Variants in BMPR1A observed in about 807,000 individuals in gnomAD.
The protein encoded by BMPR1A is bone morphogenetic protein receptor type-1A.
A neutral mutation model predicts 66.0 loss-of-function variants in BMPR1A; 7 were observed. The ratio of observed to expected loss-of-function variants is 0.11; its 90% CI spans 0.06 to 0.20. BMPR1A has a LOEUF of 0.20. Among genes scored for constraint, BMPR1A ranks in the 10% least tolerant of loss-of-function variants. The pLI, the probability that BMPR1A is intolerant of heterozygous loss-of-function variation, is 1.00. For synonymous variants in BMPR1A, 200 were observed against 229.7 expected (o/e 0.87, Z 1.17); for missense variants, 408 against 669.1 (o/e 0.61, Z 4.31).
Position 86,817,401 on chromosome 10 carries a change from G to T in BMPR1A, c.-267-21464G>T, listed in dbSNP as rs1324479137. Among the ~76,000 whole-genome samples, 3 of 152,144 alleles carry T rather than the reference G, an allele frequency of 2.0e-5. No homozygotes were observed. In the East Asian group the frequency reaches 5.8e-4, roughly 29 times the overall value. ...TTAGCATAATGTCTTCAAGGTTTATGTTGTGGCATGTCTCAGAATTTCCCT... is the reference window on the plus strand; with the variant it reads ...TTAGCATAATGTCTTCAAGGTTTATTTTGTGGCATGTCTCAGAATTTCCCT... On this transcript the variant is annotated intron_variant, in intron 1 of 12. Transcript: ENST00000372037.
At chr10:86,879,025 A>AT (rs368059669) in intron 3 of BMPR1A, among the ~76,000 whole-genome samples, 2 of 152,080 alleles carry the variant, frequency 1.3e-5, no homozygotes, top group Non-Finnish European at 2.9e-5. Flanking sequence ...GGTGATTTTT[A>AT]TTTTTTTAAA....
At chr10:86,823,890 C>T (rs147197632) in intron 1 of BMPR1A, among the ~76,000 whole-genome samples, 1 of 152,268 alleles carries the variant, frequency 6.6e-6, no homozygotes, top group Non-Finnish European at 1.5e-5. Context: ...AAGCAGTAAA[C>T]GTTAGTGCTC....
intron 2 of BMPR1A, among the ~76,000 whole-genome samples, chr10:86,868,780 T>G (rs371762626): frequency 6.3e-5 from 9 of 143,466 alleles, no homozygotes; most frequent in South Asian, 2.1e-4. Context: ...TTTCCTGTGT[T>G]TTTTTTTTTT....
rs1309821617 is a variant in BMPR1A, at chr10:86,869,260, C to G, written c.-152-6607C>G. ...TCGCCTGAGGTCCAGGAGTTCAAGA[C>G]CAGCCTGGCCAACATGGTGAAACCC... On this transcript the variant is annotated intron_variant, in intron 2 of 12. Transcript: ENST00000372037. Among the ~76,000 whole-genome samples, 3 of 152,130 alleles carry G rather than the reference C, an allele frequency of 2.0e-5. No individual in the cohort carries two copies. In the East Asian group the frequency reaches 5.8e-4, roughly 29 times the overall value.
chr10:86,856,011 C>T (rs1842635296), intron 2 of BMPR1A: 6 of 624,480 alleles, frequency 9.6e-6, no homozygotes, highest in Middle Eastern at 2.9e-4. Context: ...ATCTGGATGC[C>T]TCTCACCGTA....
At chr10:86,899,577 A>G (rs1016590258) in intron 5 of BMPR1A, among the ~76,000 whole-genome samples, 1 of 152,334 alleles carries the variant, frequency 6.6e-6, no homozygotes. Flanking sequence ...TCTAGTGTCT[A>G]ACACACCATC....
chr10:86,828,672 GA>G (rs1172711997), intron 1 of BMPR1A, among the ~76,000 whole-genome samples: 2 of 152,068 alleles, frequency 1.3e-5, no homozygotes, highest in Non-Finnish European at 2.9e-5. Context: ...ATTAACAGTA[GA>G]AATTTAACTG....
intron 1 of BMPR1A, among the ~76,000 whole-genome samples, chr10:86,784,420 T>G (rs975831494): frequency 3.9e-5 from 6 of 152,226 alleles, no homozygotes; most frequent in Non-Finnish European, 7.3e-5. Context: ...TTTTGTGTGT[T>G]GAGCCATCCT....
chr10:86,781,868 T>C (rs1841442309), intron 1 of BMPR1A, among the ~76,000 whole-genome samples: 1 of 141,312 alleles, frequency 7.1e-6, no homozygotes, highest in African/African-American at 2.6e-5. Flanking sequence ...TTTTTTTTTT[T>C]TTTTTTTTTT....
At chr10:86,910,320 A>G (rs916790623) in intron 7 of BMPR1A, among the ~76,000 whole-genome samples, 1 of 152,218 alleles carries the variant, frequency 6.6e-6, no homozygotes, top group Non-Finnish European at 1.5e-5. Flanking sequence ...CCTGGAGGAC[A>G]GAGTAAGACT....
intron 1 of BMPR1A, among the ~76,000 whole-genome samples, chr10:86,761,050 C>A (rs1461093324): frequency 6.6e-6 from 1 of 152,168 alleles, no homozygotes; most frequent in African/African-American, 2.4e-5. Context: ...GTGTTTCTCT[C>A]CCTAATCAAA....
At chr10:86,786,267 C>G (rs1432331469) in intron 1 of BMPR1A, among the ~76,000 whole-genome samples, 1 of 152,150 alleles carries the variant, frequency 6.6e-6, no homozygotes, top group Admixed American at 6.6e-5. Flanking sequence ...AACAAAACTT[C>G]TCTGAACTCC....
chr10:86,884,498 C>T (rs1022936400), intron 3 of BMPR1A, among the ~76,000 whole-genome samples: 6 of 143,046 alleles, frequency 4.2e-5, no homozygotes, highest in Non-Finnish European at 4.5e-5. Context: ...ACTACATCCT[C>T]CACCTCCCTG....
intron 1 of BMPR1A, among the ~76,000 whole-genome samples, chr10:86,831,749 G>A (rs1246637964): frequency 6.6e-6 from 1 of 152,178 alleles, no homozygotes. Flanking sequence ...GGGTGACAGA[G>A]CAAGACCCTG....
chr10:86,871,487 G>A (rs1842855030), intron 2 of BMPR1A, among the ~76,000 whole-genome samples: 1 of 152,140 alleles, frequency 6.6e-6, no homozygotes, highest in South Asian at 2.1e-4. Context: ...GTTTCCATAG[G>A]ACTCCAGCAT....
chr10:86,769,156 A>C (rs1228389044), intron 1 of BMPR1A, among the ~76,000 whole-genome samples: 1 of 152,152 alleles, frequency 6.6e-6, no homozygotes, highest in Non-Finnish European at 1.5e-5. Flanking sequence ...AGTACTGGCA[A>C]ATTGATATAG....
In BMPR1A at chr10:86,917,163, G is replaced by C. The variant is rs780907902; in HGVS notation, c.705G>C (p.Gln235His). 6.2e-7 allele frequency: 1 copy of C among 1,614,100 alleles called. No individual in the cohort carries two copies. The highest frequency in any genetic ancestry group is 8.5e-7 in the Non-Finnish European group (1 of 1,180,004). ...LVQRTIAKQI[Q>H]MVRQVGKGRY... ...AGCGAACTATTGCCAAACAGATTCA[G>C]ATGGTCCGGCAAGTTGGTAAAGGCC... Residue 235 changes from glutamine (Q) to histidine (H), a missense_variant, in exon 9 of 13, where the codon CAG (glutamine) becomes CAC (histidine). Gln to His is a conservative substitution (Grantham distance 24, BLOSUM62 0). Around this residue, in one of 5 missense-constraint regions of BMPR1A, gnomAD observed 174 missense variants for 265.1 expected, o/e 0.66. Transcript: ENST00000372037.
intron 1 of BMPR1A, among the ~76,000 whole-genome samples, chr10:86,777,352 G>A (rs1841367579): frequency 1.3e-5 from 2 of 152,180 alleles, no homozygotes; most frequent in African/African-American, 4.8e-5. Context: ...GGCCCAGACA[G>A]GAGGATTACT....
At chr10:86,903,553 A>G (rs564496961) in intron 7 of BMPR1A, among the ~76,000 whole-genome samples, 1 of 151,996 alleles carries the variant, frequency 6.6e-6, no homozygotes, top group Non-Finnish European at 1.5e-5. Flanking sequence ...GACGAAAAAC[A>G]TACAGAAATA....
Sources: gnomAD v4.1 joint callset for allele counts (sites outside exome capture counted in the v4.1 genomes callset) on GRCh38, gnomAD v4.1.1 for gene constraint, gnomAD v4.1.1 regional missense constraint, MANE v1.5 for transcripts, NCBI Gene and HGNC (gene_info 2026-07-23, HGNC 2026-07-21) for gene names.